The following DCLK1 variants were observed in gnomAD, a reference collection of about 807,000 sequenced individuals.
The protein encoded by DCLK1 is serine/threonine-protein kinase DCLK1.
DCLK1 carries 16 observed loss-of-function variants against 86.2 expected under a neutral mutation model. The observed-to-expected ratio is 0.19, with a 90% confidence interval of 0.13 to 0.28. The LOEUF is 0.28. DCLK1 is among the 10% of genes least tolerant of loss of function. The pLI, the probability that DCLK1 is intolerant of heterozygous loss-of-function variation, is 1.00. For synonymous variants in DCLK1, 369 were observed against 370.5 expected (o/e 1.00, Z 0.05); for missense variants, 590 against 940.2 (o/e 0.63, Z 4.87).
intron 3 of DCLK1, among the ~76,000 whole-genome samples, chr13:36,104,458 C>T (rs2138171534): frequency 2.6e-5 from 4 of 152,204 alleles, no homozygotes; most frequent in Admixed American, 2.6e-4. Flanking sequence ...TGAACAGGCT[C>T]CAAGAGAGTG....
intron 1 of DCLK1, among the ~76,000 whole-genome samples, chr13:36,130,403 T>C (rs1385909914): frequency 2.0e-5 from 3 of 152,072 alleles, no homozygotes; most frequent in African/African-American, 7.2e-5. Flanking sequence ...CGACCAAGCA[T>C]CTCCTTGCCA....
chr13:35,810,585 C>G (rs1244762521), intron 12 of DCLK1, among the ~76,000 whole-genome samples: 1 of 152,222 alleles, frequency 6.6e-6, no homozygotes, highest in Non-Finnish European at 1.5e-5. Context: ...GGGTTAATAA[C>G]TTCTGTTCTA....
At chr13:35,844,791 T>C (rs554077817) in intron 6 of DCLK1, among the ~76,000 whole-genome samples, 1 of 152,332 alleles carries the variant, frequency 6.6e-6, no homozygotes, top group Admixed American at 6.5e-5. Flanking sequence ...ATTATTGCTA[T>C]GGACTTGGAT....
At chr13:36,084,287 G>C (rs919297950) in intron 3 of DCLK1, among the ~76,000 whole-genome samples, 5 of 152,114 alleles carry the variant, frequency 3.3e-5, no homozygotes, top group Admixed American at 3.3e-4. Context: ...CTTATCCCCA[G>C]ACAGTTCATG....
intron 4 of DCLK1, among the ~76,000 whole-genome samples, chr13:35,930,567 T>G (rs565701496): frequency 6.6e-6 from 1 of 152,096 alleles, no homozygotes; most frequent in African/African-American, 2.4e-5. Flanking sequence ...GTCACTGCAC[T>G]CCAGCCTGGG....
At chr13:36,058,233 T>C (rs115707381) in intron 3 of DCLK1, among the ~76,000 whole-genome samples, 2,060 of 152,262 alleles carry the variant, frequency 0.014, 40 homozygotes, top group African/African-American at 0.046. Context: ...TGCCATTCAC[T>C]GGACAGAGTT....
chr13:36,032,956 T>C (rs1029027848), intron 3 of DCLK1, among the ~76,000 whole-genome samples: 4 of 152,152 alleles, frequency 2.6e-5, no homozygotes, highest in African/African-American at 9.7e-5. Context: ...CATCACCTTC[T>C]CTGTAAGGCA....
At chr13:35,922,335 T>A (rs1003940557) in intron 4 of DCLK1, among the ~76,000 whole-genome samples, 1 of 152,202 alleles carries the variant, frequency 6.6e-6, no homozygotes, top group Non-Finnish European at 1.5e-5. Flanking sequence ...CCTTTCCCCA[T>A]TACTCATGAA....
At chr13:36,103,696 G>A (rs1441022016) in intron 3 of DCLK1, among the ~76,000 whole-genome samples, 1 of 151,996 alleles carries the variant, frequency 6.6e-6, no homozygotes, top group Non-Finnish European at 1.5e-5. Context: ...ATTTAATTTA[G>A]TTTCAAGGAT....
intron 3 of DCLK1, among the ~76,000 whole-genome samples, chr13:35,973,597 TGG>T (rs1879173739): frequency 6.6e-6 from 1 of 152,176 alleles, no homozygotes; most frequent in Non-Finnish European, 1.5e-5. Context: ...AGCCCAGTGC[TGG>T]CAAAAAGAAG....
intron 3 of DCLK1, among the ~76,000 whole-genome samples, chr13:36,064,676 G>C (rs1428501811): frequency 6.9e-6 from 1 of 145,638 alleles, no homozygotes; most frequent in Non-Finnish European, 1.5e-5. Context: ...AAAAAAGAAA[G>C]AAAGTCAGGG....
intron 3 of DCLK1, among the ~76,000 whole-genome samples, chr13:36,088,337 T>C (rs542223034): frequency 1.3e-5 from 2 of 152,308 alleles, no homozygotes; most frequent in East Asian, 3.9e-4. Flanking sequence ...GCACTCCCAT[T>C]GTGAGCAGGT....
chr13:36,069,888 C>T lies in DCLK1; in HGVS notation c.723+41981G>A, dbSNP rs562467765. 1.9e-4 allele frequency among the ~76,000 whole-genome samples: 29 copies of T among 152,286 alleles called. No homozygotes were observed. In the East Asian group the frequency reaches 4.8e-3, roughly 25 times the overall value. ...TACCTTAAAATTAACACTAGAGCAA[C>T]AGCATCCATCAGCGATAGGATTGAA... On this transcript the variant is annotated intron_variant, in intron 3 of 16. Transcript: ENST00000360631.
At chr13:36,074,635 T>C (rs1884117225) in intron 3 of DCLK1, among the ~76,000 whole-genome samples, 1 of 152,052 alleles carries the variant, frequency 6.6e-6, no homozygotes, top group Non-Finnish European at 1.5e-5. Context: ...AAAGATGCTC[T>C]AAAATGCTAC....
chr13:35,858,972 C>T (rs1871234575), intron 5 of DCLK1, among the ~76,000 whole-genome samples: 1 of 152,200 alleles, frequency 6.6e-6, no homozygotes, highest in Non-Finnish European at 1.5e-5. Context: ...CTTGTTGAAT[C>T]ACTGCTGGGA....
At chr13:35,916,837 T>G (rs1875444189) in intron 4 of DCLK1, among the ~76,000 whole-genome samples, 1 of 152,166 alleles carries the variant, frequency 6.6e-6, no homozygotes, top group Non-Finnish European at 1.5e-5. Context: ...GTGAGGGCAT[T>G]CAGGAGGCAG....
chr13:35,883,824 C>T (rs1873065178), intron 4 of DCLK1, among the ~76,000 whole-genome samples: 1 of 152,146 alleles, frequency 6.6e-6, no homozygotes, highest in African/African-American at 2.4e-5. Flanking sequence ...GGTAGACATG[C>T]AATCCCAGCT....
intron 3 of DCLK1, among the ~76,000 whole-genome samples, chr13:36,101,139 A>G (rs1247064207): frequency 2.0e-5 from 3 of 152,172 alleles, no homozygotes; most frequent in African/African-American, 7.2e-5. Context: ...CAGGGATCAT[A>G]TTCAGTTTGT....
intron 3 of DCLK1, among the ~76,000 whole-genome samples, chr13:36,004,859 T>G (rs1336251145): frequency 6.6e-6 from 1 of 152,208 alleles, no homozygotes; most frequent in African/African-American, 2.4e-5. Context: ...ATTACAGGCG[T>G]GAGCCACCGC....
Sources: allele counts gnomAD v4.1 joint callset (sites outside exome capture counted in the v4.1 genomes callset), GRCh38; gene constraint gnomAD v4.1.1; transcripts MANE v1.5; gene names NCBI Gene and HGNC (gene_info 2026-07-23, HGNC 2026-07-21).